ATXN7: variants seen among roughly 807,000 people sequenced by gnomAD.
ATXN7 encodes ataxin-7.
In ATXN7, 12 loss-of-function variants were observed where a neutral mutation model predicts 70.5. That is an observed-to-expected ratio of 0.17 (90% CI 0.11 to 0.28). ATXN7 has a LOEUF of 0.28. Ranked by LOEUF, ATXN7 falls within the 10% of genes least tolerant of loss-of-function variation. ATXN7 has a pLI of 1.00. For missense variants in ATXN7, 1,256 were observed against 1,131.7 expected (o/e 1.11, Z -1.58); for synonymous variants, 498 against 448.7 (o/e 1.11, Z -1.39).
At chr3:63,892,497 A>C (rs704363) in intron 1 of ATXN7, among the ~76,000 whole-genome samples, 5,590 of 144,914 alleles carry the variant, frequency 0.039, 135 homozygotes, top group Non-Finnish European at 0.059. Context: ...ACACACACCC[A>C]CACACACACA....
At position 63,906,779 on chromosome 3, in the gene ATXN7, G is replaced by T. The variant is rs1450368563; in HGVS notation, c.-11-5809G>T. Among the ~76,000 whole-genome samples, 3 of 152,318 alleles carry T rather than the reference G, an allele frequency of 2.0e-5. No homozygotes were observed. The South Asian group carries it at 6.2e-4, about 32-fold the overall frequency. ...AAGGCTTGGGAACTGGGAGTTGGAT[G>T]GGGTTGGGGTGGGGGCATGTTTGAA... On this transcript the variant is annotated intron_variant, in intron 2 of 12. Coordinates refer to ENST00000674280, the MANE Select transcript of ATXN7 (RefSeq NM_001377405.1).
chr3:63,885,563 G>C (rs1032565513), intron 1 of ATXN7, among the ~76,000 whole-genome samples: 25 of 152,094 alleles, frequency 1.6e-4, no homozygotes, highest in Non-Finnish European at 1.3e-4. Flanking sequence ...AAATAGAAAA[G>C]AACTATATGA....
chr3:63,912,999 C>G (rs1374098514), intron 3 of ATXN7, 76 bp downstream of exon 3: 1 of 1,443,318 alleles, frequency 6.9e-7, no homozygotes, highest in African/African-American at 1.4e-5. Context: ...CCCTGCCCCC[C>G]TCCTGTGACC....
chr3:63,989,933 A>C (rs191843948), intron 9 of ATXN7, among the ~76,000 whole-genome samples: 1 of 152,362 alleles, frequency 6.6e-6, no homozygotes, highest in Non-Finnish European at 1.5e-5. Context: ...AAATGGCAAT[A>C]GAAAGGATTC....
intron 4 of ATXN7, among the ~76,000 whole-genome samples, chr3:63,951,151 G>A (rs565598277): frequency 1.1e-4 from 17 of 152,060 alleles, no homozygotes; most frequent in African/African-American, 3.1e-4. Flanking sequence ...TCCCCAAATC[G>A]TGCTAGACTC....
At chr3:63,916,624 A>G (rs1704277458) in intron 4 of ATXN7, among the ~76,000 whole-genome samples, 2 of 151,980 alleles carry the variant, frequency 1.3e-5, no homozygotes, top group African/African-American at 4.8e-5. Flanking sequence ...AAACCTACCC[A>G]AGGCAAGAAT....
At chr3:63,975,031 C>T (rs554721226) in intron 5 of ATXN7, among the ~76,000 whole-genome samples, 1 of 152,292 alleles carries the variant, frequency 6.6e-6, no homozygotes, top group Non-Finnish European at 1.5e-5. Context: ...CAGCCAGTTA[C>T]AGTTTTCTGT....
intron 4 of ATXN7, among the ~76,000 whole-genome samples, chr3:63,914,652 A>G (rs1282858703): frequency 6.6e-6 from 1 of 152,208 alleles, no homozygotes; most frequent in Non-Finnish European, 1.5e-5. Flanking sequence ...GGGTGTGGAT[A>G]CATATCCTAT....
At chr3:63,932,775 TAGGCAGTAGTTCTTCC>T (rs1649199257) in intron 4 of ATXN7, among the ~76,000 whole-genome samples, 2 of 152,208 alleles carry the variant, frequency 1.3e-5, no homozygotes, top group Non-Finnish European at 2.9e-5. Flanking sequence ...GATCGGGGCT[TAGGCAGTAGTTCTTCC>T]AGGCAGCTTC....
At chr3:63,892,346 C>T (rs909127078) in intron 1 of ATXN7, among the ~76,000 whole-genome samples, 5 of 150,662 alleles carry the variant, frequency 3.3e-5, no homozygotes, top group African/African-American at 9.8e-5. Context: ...GGCTTTCCTC[C>T]TCCCAGTCAA....
chr3:63,886,034 T>C (rs1013413942), intron 1 of ATXN7, among the ~76,000 whole-genome samples: 2 of 152,028 alleles, frequency 1.3e-5, no homozygotes, highest in African/African-American at 4.8e-5. Context: ...AAATGTGATA[T>C]CCAGTGTATA....
At chr3:63,934,694 C>A (rs895254044) in intron 4 of ATXN7, among the ~76,000 whole-genome samples, 1 of 152,144 alleles carries the variant, frequency 6.6e-6, no homozygotes, top group Non-Finnish European at 1.5e-5. Flanking sequence ...CCGCACTTAC[C>A]ACAGACCTTG....
chr3:63,903,644 T>A (rs1176065868), intron 2 of ATXN7: 1 of 152,206 alleles, frequency 6.6e-6, no homozygotes, highest in Non-Finnish European at 1.5e-5. Flanking sequence ...TCTGAACATA[T>A]TAATTTATTG....
chr3:63,995,963 T>C lies in ATXN7; in HGVS notation c.2141T>C (p.Leu714Ser). Residue 714 changes from leucine (L) to serine (S), a missense_variant, in exon 12 of 13, where the codon TTG (leucine) becomes TCG (serine). By Grantham distance (145) the Leu-to-Ser change is moderately radical (BLOSUM62 -2). Transcript: ENST00000674280. ...GKKRKNSSPLLVHSSSSSSSS... is the reference protein window; with the variant it reads ...GKKRKNSSPLSVHSSSSSSSS... ...AAACGCAAAAACAGTTCCCCACTGT[T>C]GGTTCACTCTTCCTCCTCCTCTTCC... 1 of 1,614,164 alleles carries C rather than the reference T, an allele frequency of 6.2e-7. No individual in the cohort carries two copies. The highest frequency in any genetic ancestry group is 8.5e-7 in the Non-Finnish European group (1 of 1,179,998).
chr3:63,920,239 A>G (rs1345045718), intron 4 of ATXN7, among the ~76,000 whole-genome samples: 1 of 152,262 alleles, frequency 6.6e-6, no homozygotes, highest in African/African-American at 2.4e-5. Flanking sequence ...GGGGTTCCCA[A>G]GCTGTGTCCA....
chr3:63,976,186 G>A (rs768968805), intron 5 of ATXN7, among the ~76,000 whole-genome samples: 4 of 152,132 alleles, frequency 2.6e-5, no homozygotes, highest in Non-Finnish European at 5.9e-5. Context: ...CACTTTTTTA[G>A]AGCTAGATGC....
chr3:63,977,320 G>A (rs760845437), intron 5 of ATXN7, among the ~76,000 whole-genome samples: 17 of 152,128 alleles, frequency 1.1e-4, no homozygotes, highest in Non-Finnish European at 2.1e-4. Flanking sequence ...TATTTAATTC[G>A]ATTGAGAATT....
rs1419976388 is a variant in ATXN7, at chr3:63,990,131, C to G, written c.1362-45C>G. The G allele has an allele frequency of 2.5e-6, 4 of 1,588,152 alleles. No individual in the cohort carries two copies. The Admixed American group carries it at 6.7e-5, about 27-fold the overall frequency. ...TGTATCTCAGTTAAGGTGGCTGATTCCCAGGTGTGTGATCTGATCCGTGCT... is the reference window on the plus strand; with the variant it reads ...TGTATCTCAGTTAAGGTGGCTGATTGCCAGGTGTGTGATCTGATCCGTGCT... On this transcript the variant is annotated intron_variant, in intron 9 of 12. Coordinates refer to ENST00000674280, the MANE Select transcript of ATXN7 (RefSeq NM_001377405.1).
chr3:63,978,100 A>G (rs1274359108), intron 5 of ATXN7, among the ~76,000 whole-genome samples: 1 of 152,176 alleles, frequency 6.6e-6, no homozygotes, highest in Non-Finnish European at 1.5e-5. Context: ...GGTCTACTGT[A>G]GTGTCTCAAC....
Sources: allele counts gnomAD v4.1 joint callset (sites outside exome capture counted in the v4.1 genomes callset), GRCh38; gene constraint gnomAD v4.1.1; transcripts MANE v1.5; gene names NCBI Gene and HGNC (gene_info 2026-07-23, HGNC 2026-07-21).